Variants in AGMO observed in about 807,000 individuals in gnomAD.
AGMO encodes alkylglycerol monooxygenase.
In AGMO, 75 loss-of-function variants were observed where a neutral mutation model predicts 60.2. The ratio of observed to expected loss-of-function variants is 1.25; its 90% confidence interval spans 1.03 to 1.51. The LOEUF (loss-of-function observed/expected upper bound fraction) is 1.51, where lower values mean the gene tolerates loss of function less well. Ranked by LOEUF, AGMO falls within the 40% of genes most tolerant of loss-of-function variation. The pLI, the probability that AGMO is intolerant of heterozygous loss-of-function variation, is 0.00. For synonymous variants in AGMO, 261 were observed against 177.1 expected (o/e 1.47, Z -3.76); for missense variants, 763 against 525.5 (o/e 1.45, Z -4.42).
intron 12 of AGMO, among the ~76,000 whole-genome samples, chr7:15,227,407 A>G (rs1217145584): frequency 1.3e-5 from 2 of 151,982 alleles, no homozygotes; most frequent in East Asian, 3.9e-4. Flanking sequence ...TGTGCCCCAA[A>G]GAGTTAAACA....
the AGMO span, among the ~76,000 whole-genome samples, chr7:15,187,040 A>C: frequency 6.6e-6 from 1 of 152,222 alleles, no homozygotes; most frequent in Non-Finnish European, 1.5e-5. Context: ...TAGCCATGTA[A>C]ATGGTTTATA....
intron 6 of AGMO, among the ~76,000 whole-genome samples, chr7:15,391,994 A>C (rs973175576): frequency 3.3e-5 from 5 of 152,200 alleles, no homozygotes; most frequent in Admixed American, 6.5e-5. Flanking sequence ...TGCGAAGATG[A>C]AGTCAGAGGA....
intron 3 of AGMO, among the ~76,000 whole-genome samples, chr7:15,444,197 C>T (rs1781640020): frequency 6.6e-6 from 1 of 152,070 alleles, no homozygotes; most frequent in South Asian, 2.1e-4. Context: ...TGGTTCATAT[C>T]CATGATCAAT....
At chr7:15,170,058 T>C in the AGMO span, among the ~76,000 whole-genome samples, 29 of 152,300 alleles carry the variant, frequency 1.9e-4, no homozygotes, top group African/African-American at 7.0e-4. Flanking sequence ...TTTAGGGAGA[T>C]TGGAGTAGAT....
chr7:15,154,740 C>T, the AGMO span, among the ~76,000 whole-genome samples: 2 of 152,068 alleles, frequency 1.3e-5, no homozygotes, highest in Non-Finnish European at 2.9e-5. Context: ...AGGTATTCAT[C>T]TTTTGTTTGT....
chr7:15,172,530 T>C, the AGMO span, among the ~76,000 whole-genome samples: 2 of 152,168 alleles, frequency 1.3e-5, no homozygotes, highest in Non-Finnish European at 2.9e-5. Context: ...AAACCTGCCA[T>C]GTGACTTAGT....
At chr7:15,129,269 C>G in the AGMO span, among the ~76,000 whole-genome samples, 1 of 132,294 alleles carries the variant, frequency 7.6e-6, no homozygotes, top group Non-Finnish European at 1.8e-5. Flanking sequence ...TTAGTGTTCT[C>G]TTTTACTTAT....
intron 3 of AGMO, among the ~76,000 whole-genome samples, chr7:15,463,247 T>C (rs971892108): frequency 2.0e-5 from 3 of 152,124 alleles, no homozygotes; most frequent in Admixed American, 2.0e-4. Flanking sequence ...TTGTCATAAG[T>C]AGAGGTAATG....
At chr7:15,446,356 A>G (rs994714473) in intron 3 of AGMO, among the ~76,000 whole-genome samples, 16 of 152,200 alleles carry the variant, frequency 1.1e-4, no homozygotes, top group African/African-American at 3.9e-4. Flanking sequence ...TCATAAATAG[A>G]TGCAATTATA....
the AGMO span, among the ~76,000 whole-genome samples, chr7:15,143,332 C>T: frequency 4.6e-5 from 7 of 152,124 alleles, no homozygotes; most frequent in East Asian, 1.9e-4. Context: ...TGGACCAACA[C>T]GCTGTTATTG....
intron 5 of AGMO, among the ~76,000 whole-genome samples, chr7:15,412,925 A>G (rs1314932624): frequency 6.6e-6 from 1 of 152,180 alleles, no homozygotes; most frequent in Non-Finnish European, 1.5e-5. Flanking sequence ...CAAATCTGCC[A>G]TAATGATTTA....
At chr7:15,499,518 G>C (rs1783321921) in intron 3 of AGMO, among the ~76,000 whole-genome samples, 1 of 151,822 alleles carries the variant, frequency 6.6e-6, no homozygotes, top group Non-Finnish European at 1.5e-5. Flanking sequence ...GAAGTTGTGA[G>C]AAAACTGGCA....
intron 12 of AGMO, among the ~76,000 whole-genome samples, chr7:15,270,690 G>C (rs994693293): frequency 6.8e-5 from 8 of 118,448 alleles, no homozygotes; most frequent in African/African-American, 1.3e-4. Context: ...ATTTTTGTAT[G>C]TGTTGCATTT....
chr7:15,198,603 A>T (rs900322415), downstream of AGMO, among the ~76,000 whole-genome samples: 1 of 152,310 alleles, frequency 6.6e-6, no homozygotes, highest in Non-Finnish European at 1.5e-5. Flanking sequence ...ATTATTACTC[A>T]AATCAGTCTC....
chr7:15,389,823 T>C (rs1028497673), intron 8 of AGMO, among the ~76,000 whole-genome samples: 1 of 152,156 alleles, frequency 6.6e-6, no homozygotes, highest in African/African-American at 2.4e-5. Flanking sequence ...ACATTAAATA[T>C]TTTTCTGCTG....
intron 12 of AGMO, among the ~76,000 whole-genome samples, chr7:15,244,649 G>GT (rs1449317821): frequency 6.6e-6 from 1 of 151,532 alleles, no homozygotes; most frequent in African/African-American, 2.4e-5. Context: ...TTGTTTGTTT[G>GT]TTTGTTTTGT....
chr7:15,182,815 T>C, the AGMO span, among the ~76,000 whole-genome samples: 1 of 152,296 alleles, frequency 6.6e-6, no homozygotes, highest in South Asian at 2.1e-4. Flanking sequence ...TGGTTCATGG[T>C]TCTGCAGGCT....
At chr7:15,445,341 T>G (rs1023186620) in intron 3 of AGMO, among the ~76,000 whole-genome samples, 3 of 152,180 alleles carry the variant, frequency 2.0e-5, no homozygotes, top group Non-Finnish European at 4.4e-5. Flanking sequence ...ACATTAAACT[T>G]CTATAATGAT....
intron 3 of AGMO, among the ~76,000 whole-genome samples, chr7:15,535,949 T>C (rs1464749598): frequency 6.6e-6 from 1 of 151,902 alleles, no homozygotes; most frequent in Non-Finnish European, 1.5e-5. Flanking sequence ...TATACGTGGG[T>C]ACTCAGTTAA....
Sources: allele counts gnomAD v4.1 joint callset (sites outside exome capture counted in the v4.1 genomes callset), GRCh38; gene constraint gnomAD v4.1.1; transcripts MANE v1.5; gene names NCBI Gene and HGNC (gene_info 2026-07-23, HGNC 2026-07-21).